RIN2: variants seen among roughly 807,000 people sequenced by gnomAD.
The protein encoded by RIN2 is RAB5 interacting protein 2.
In RIN2, 36 loss-of-function variants were observed where a neutral mutation model predicts 78.0. That is an observed-to-expected ratio of 0.46 (90% CI 0.35 to 0.61). The LOEUF (loss-of-function observed/expected upper bound fraction) is 0.61, where lower values mean the gene tolerates loss of function less well. RIN2 is among the 20% of genes least tolerant of loss of function. RIN2 has a pLI of 0.00. For missense variants in RIN2, 1,087 were observed against 1,159.7 expected, an observed-to-expected ratio of 0.94 and a Z score of 0.91; for synonymous variants, 466 against 466.8, an observed-to-expected ratio of 1.00 and a Z score of 0.02.
intron 2 of RIN2, among the ~76,000 whole-genome samples, chr20:19,819,780 T>C (rs951306961): frequency 2.0e-5 from 3 of 152,200 alleles, no homozygotes; most frequent in Non-Finnish European, 4.4e-5. Context: ...ATGATCCTCC[T>C]GCCTCAGCCT....
At chr20:19,932,834 A>G (rs1423506725) in intron 3 of RIN2, among the ~76,000 whole-genome samples, 1 of 152,174 alleles carries the variant, frequency 6.6e-6, no homozygotes, top group Non-Finnish European at 1.5e-5. Flanking sequence ...AACTGAAATA[A>G]ATTTAATCTG....
intron 3 of RIN2, among the ~76,000 whole-genome samples, chr20:19,890,679 CAAAAAAAA>C (rs534202183): frequency 1.6e-4 from 10 of 64,446 alleles, no homozygotes; most frequent in Admixed American, 1.0e-3. Flanking sequence ...GTTGACTCTA[CAAAAAAAA>C]AAAAAAAAAA....
intron 2 of RIN2, among the ~76,000 whole-genome samples, chr20:19,822,548 TC>T (rs1438355081): frequency 6.6e-6 from 1 of 152,174 alleles, no homozygotes; most frequent in Non-Finnish European, 1.5e-5. Context: ...CTTCATTCCA[TC>T]CGGTATTAGA....
upstream of RIN2, chr20:19,757,844 G>A (rs1481323518): frequency 6.6e-6 from 1 of 152,418 alleles, no homozygotes; most frequent in Non-Finnish European, 1.5e-5. Context: ...CAGCGCCAAG[G>A]CGGGTCAGGG....
chr20:19,886,467 A>G, intron 2 of RIN2: 3 of 495,284 alleles, frequency 6.1e-6, no homozygotes, highest in Non-Finnish European at 1.1e-5. Flanking sequence ...AGGAATAGTC[A>G]CTTCCTGCCT....
chr20:19,970,630 C>T (rs2042074733), intron 7 of RIN2, among the ~76,000 whole-genome samples: 1 of 152,192 alleles, frequency 6.6e-6, no homozygotes, highest in African/African-American at 2.4e-5. Flanking sequence ...TGGTTTTTCT[C>T]TCAGCCTGTC....
chr20:19,880,684 A>G (rs564369130), intron 2 of RIN2, among the ~76,000 whole-genome samples: 1 of 152,122 alleles, frequency 6.6e-6, no homozygotes, highest in Admixed American at 6.5e-5. Context: ...GTCATTCTTT[A>G]AAAACCCTTC....
chr20:19,925,604 C>T (rs1280716158), intron 3 of RIN2, among the ~76,000 whole-genome samples: 1 of 152,268 alleles, frequency 6.6e-6, no homozygotes, highest in East Asian at 1.9e-4. Flanking sequence ...AAATAGGCAA[C>T]AGATGAATGA....
At chr20:19,857,873 C>T (rs558289659) in intron 2 of RIN2, among the ~76,000 whole-genome samples, 2 of 152,210 alleles carry the variant, frequency 1.3e-5, no homozygotes, top group South Asian at 4.2e-4. Context: ...TAATGTTGAA[C>T]AGTCTTTTGA....
chr20:19,925,873 C>T (rs868203471), intron 3 of RIN2, among the ~76,000 whole-genome samples: 3 of 152,314 alleles, frequency 2.0e-5, no homozygotes, highest in East Asian at 3.9e-4. Context: ...TGAGGTTTCA[C>T]ACAGTGCACA....
At chr20:19,874,839 A>T (rs938751170) in intron 2 of RIN2, among the ~76,000 whole-genome samples, 2 of 139,744 alleles carry the variant, frequency 1.4e-5, no homozygotes, top group African/African-American at 5.3e-5. Flanking sequence ...TTTTATTTTT[A>T]AAATTATTTT....
At chr20:19,889,057 A>T in intron 2 of RIN2, 1 of 867,776 alleles carries the variant, frequency 1.2e-6, no homozygotes, top group Non-Finnish European at 1.4e-6. Flanking sequence ...CTGATTTCTA[A>T]GGGAAAAATA....
At position 19,889,673 on chromosome 20, in the gene RIN2, T is replaced by C; in HGVS notation, c.57+15T>C. ...GTTTCTTTAAGGTAAAAGGAAGCCT[T>C]GATTGGGATCTCAACTCGTCGGCTT... On this transcript the variant is annotated intron_variant, in intron 3 of 12. Transcript: ENST00000255006. The C allele has an allele frequency of 6.8e-7, 1 of 1,481,222 alleles. No homozygotes were observed. Among genetic ancestry groups the C allele is most frequent in the Non-Finnish European group, 9.0e-7 (1 of 1,106,938 alleles). The allele number at this position is 1,481,222 out of a possible 1,614,324, so 91.8% of individuals were successfully genotyped here. A position where few individuals can be genotyped will look rare whatever the true frequency, so the allele number is the denominator to read the frequency against.
chr20:19,987,651 T>G (rs73287511), intron 9 of RIN2, among the ~76,000 whole-genome samples: 2,522 of 152,304 alleles, frequency 0.017, 53 homozygotes, highest in South Asian at 0.11. Flanking sequence ...CACTCAATAT[T>G]AATTTCTGTT....
intron 1 of RIN2, among the ~76,000 whole-genome samples, chr20:19,771,822 G>A (rs1380398438): frequency 6.6e-6 from 1 of 151,986 alleles, no homozygotes; most frequent in Admixed American, 6.6e-5. Flanking sequence ...AAAAAAACAT[G>A]CCCTGAATGA....
chr20:19,965,070 G>A, intron 7 of RIN2, 46 bp downstream of exon 7: 2 of 1,496,224 alleles, frequency 1.3e-6, no homozygotes, highest in Non-Finnish European at 1.9e-6. Context: ...TGTTTGGTGT[G>A]TGGGATATAA....
At chr20:19,782,579 T>C (rs1018455469) in intron 1 of RIN2, among the ~76,000 whole-genome samples, 28 of 151,356 alleles carry the variant, frequency 1.8e-4, no homozygotes, top group African/African-American at 6.8e-4. Context: ...AAAAGATAAC[T>C]ATTAAAATGT....
intron 3 of RIN2, among the ~76,000 whole-genome samples, chr20:19,914,084 G>A (rs2039584840): frequency 6.6e-6 from 1 of 152,184 alleles, no homozygotes; most frequent in African/African-American, 2.4e-5. Flanking sequence ...AGAGCCAGGT[G>A]GCTTTAATAA....
chr20:19,995,060 G>A (rs745574054), intron 11 of RIN2, among the ~76,000 whole-genome samples: 31 of 152,044 alleles, frequency 2.0e-4, no homozygotes, highest in Non-Finnish European at 2.4e-4. Flanking sequence ...TTTGCAGGGC[G>A]TGTGGCTCCT....
Sources: gnomAD v4.1 joint callset for allele counts (sites outside exome capture counted in the v4.1 genomes callset) on GRCh38, gnomAD v4.1.1 for gene constraint, MANE v1.5 for transcripts, NCBI Gene and HGNC (gene_info 2026-07-23, HGNC 2026-07-21) for gene names.